Variants in SUPT7L observed in about 807,000 individuals in gnomAD.
SUPT7L encodes SPT7 like, STAGA complex subunit gamma, also known as STAGA complex 65 subunit gamma.
SUPT7L carries 15 observed loss-of-function variants against 35.7 expected under a neutral mutation model. That is an observed-to-expected ratio of 0.42 (90% confidence interval 0.28 to 0.65). The LOEUF (loss-of-function observed/expected upper bound fraction) is 0.65. Ranked by LOEUF, SUPT7L falls within the 30% of genes least tolerant of loss-of-function variation. The pLI is 0.23. For synonymous variants in SUPT7L, 168 were observed against 186.2 expected, an observed-to-expected ratio of 0.90 and a Z score of 0.79; for missense variants, 434 against 522.2, an observed-to-expected ratio of 0.83 and a Z score of 1.65.
intron 3 of SUPT7L, among the ~76,000 whole-genome samples, chr2:27,658,871 C>T (rs1674919133): frequency 6.6e-6 from 1 of 152,320 alleles, no homozygotes; most frequent in Non-Finnish European, 1.5e-5. Context: ...AATATCTGGA[C>T]CTCTTTCAAA....
chr2:27,656,080 A>G (rs7599145), intron 4 of SUPT7L, among the ~76,000 whole-genome samples: 8,664 of 151,572 alleles, frequency 0.057, 686 homozygotes, highest in African/African-American at 0.18. Flanking sequence ...AGCTACTTGG[A>G]AGGCTGAGGT....
At chr2:27,662,068 A>T in intron 2 of SUPT7L, 111 bp downstream of exon 2, 1 of 1,456,988 alleles carries the variant, frequency 6.9e-7, no homozygotes, top group Non-Finnish European at 9.6e-7. Flanking sequence ...CACTGCTGCT[A>T]GACTTACTCT....
chr2:27,646,837 G>C (rs1674257343), downstream of SUPT7L, among the ~76,000 whole-genome samples: 1 of 152,102 alleles, frequency 6.6e-6, no homozygotes, highest in African/African-American at 2.4e-5. Context: ...GCTAGTAACG[G>C]ACTGGGTTTA....
chr2:27,662,749 G>T (rs1480055739), intron 1 of SUPT7L, among the ~76,000 whole-genome samples: 1 of 152,068 alleles, frequency 6.6e-6, no homozygotes, highest in Admixed American at 6.5e-5. Flanking sequence ...GGCATTTGTT[G>T]AATGTTTACT....
intron 3 of SUPT7L, among the ~76,000 whole-genome samples, chr2:27,658,712 T>C (rs988521430): frequency 1.5e-4 from 23 of 152,256 alleles, no homozygotes; most frequent in Admixed American, 8.5e-4. Flanking sequence ...GTTTACATAA[T>C]AGTTTGACAA....
At chr2:27,644,733 T>G in the SUPT7L span, among the ~76,000 whole-genome samples, 1 of 148,652 alleles carries the variant, frequency 6.7e-6, no homozygotes, top group Non-Finnish European at 1.5e-5. Flanking sequence ...GTTTTTTTTT[T>G]TTTTTTTTTT....
In SUPT7L at chr2:27,662,272, G is replaced by T; in HGVS notation, c.-80C>A. On this transcript the variant is annotated 5_prime_UTR_variant, in exon 2 of 6. Coordinates refer to ENST00000337768, the MANE Select transcript of SUPT7L (RefSeq NM_014860.3). ...TGTCGGTCAAAGACTGATAATGTGA[G>T]ATCCTTGCCCTGAAGTGAGGAAGAG... is the stretch of plus-strand genomic sequence containing the variant. The T allele has an allele frequency of 6.8e-7, 1 of 1,465,748 alleles. No individual in the cohort carries two copies. Among genetic ancestry groups the T allele is most frequent in the Non-Finnish European group, 9.6e-7 (1 of 1,045,264 alleles). 90.8% of individuals were successfully genotyped at this position (1,465,748 alleles called of 1,614,324 possible). A position where few individuals can be genotyped will look rare whatever the true frequency, so the allele number is the denominator to read the frequency against.
rs896006226 is a variant in SUPT7L, at chr2:27,651,311, G to T, written c.*2174C>A. On this transcript the variant is annotated 3_prime_UTR_variant, in exon 6 of 6. Coordinates refer to ENST00000337768, the MANE Select transcript of SUPT7L (RefSeq NM_014860.3). ...AACCTATGAACTCAGAAACCCTGGGGGTGGGCTGAGCAGTCTGTTTTAGAA... is the reference window on the plus strand; with the variant it reads ...AACCTATGAACTCAGAAACCCTGGGTGTGGGCTGAGCAGTCTGTTTTAGAA... 3.3e-5 allele frequency: 5 copies of T among 152,134 alleles called. No homozygotes were observed. Among genetic ancestry groups the T allele is most frequent in the African/African-American group, 1.2e-4 (5 of 41,402 alleles). 9.4% of individuals were successfully genotyped at this position (152,134 alleles called of 1,614,324 possible).
chr2:27,658,771 T>C (rs1315256986), intron 3 of SUPT7L, among the ~76,000 whole-genome samples: 1 of 151,884 alleles, frequency 6.6e-6, no homozygotes, highest in Non-Finnish European at 1.5e-5. Flanking sequence ...CTTCATCATT[T>C]CCATGGCCAG....
intron 4 of SUPT7L, among the ~76,000 whole-genome samples, chr2:27,656,450 G>A (rs1674808061): frequency 6.6e-6 from 1 of 152,036 alleles, no homozygotes; most frequent in South Asian, 2.1e-4. Context: ...ATTTTTTTGT[G>A]TATGTGCTTA....
At chr2:27,654,286 ATC>A (rs535387182) in intron 5 of SUPT7L, among the ~76,000 whole-genome samples, 33 of 152,302 alleles carry the variant, frequency 2.2e-4, no homozygotes, top group Non-Finnish European at 3.1e-4. Context: ...TGGCCCTCGC[ATC>A]TCTCTATGTA....
downstream of SUPT7L, among the ~76,000 whole-genome samples, chr2:27,648,137 T>C (rs747231625): frequency 4.6e-5 from 7 of 152,240 alleles, no homozygotes; most frequent in Non-Finnish European, 8.8e-5. Context: ...TACAGGCCTT[T>C]CGTTGGTCTT....
rs200791936 is a variant in SUPT7L at position 27,655,346 on chromosome 2, G to C, written c.982+19C>G. The C allele has an allele frequency of 2.0e-6, 3 of 1,517,544 alleles. No homozygotes were observed. Among genetic ancestry groups the C allele is most frequent in the Non-Finnish European group, 2.6e-6 (3 of 1,133,536 alleles). The allele number at this position is 1,517,544 out of a possible 1,614,324, so 94.0% of individuals were successfully genotyped here. The stretch of plus-strand genomic sequence containing the variant: ...GGCAGATCTCCCAGAATCAAAGTGA[G>C]TAAGTTTATTTGTCTTACTTGAAGC... On this transcript the variant is annotated intron_variant, in intron 5 of 5. Transcript: ENST00000337768.
the SUPT7L span, among the ~76,000 whole-genome samples, chr2:27,643,953 T>C: frequency 6.6e-6 from 1 of 151,826 alleles, no homozygotes; most frequent in Non-Finnish European, 1.5e-5. This position sits in a 1 kb window ranked among gnomAD's most constrained non-coding sequence, Gnocchi z 4.0. Flanking sequence ...CCGAGGCGGG[T>C]GGATCACTTG....
At chr2:27,643,955 G>T in the SUPT7L span, among the ~76,000 whole-genome samples, 54 of 152,320 alleles carry the variant, frequency 3.5e-4, no homozygotes, top group South Asian at 0.011. The surrounding 1 kb of genome is among the most constrained non-coding windows in gnomAD (Gnocchi z 4.0). Context: ...GAGGCGGGTG[G>T]ATCACTTGAG....
At chr2:27,643,921 G>T in the SUPT7L span, among the ~76,000 whole-genome samples, 3 of 152,234 alleles carry the variant, frequency 2.0e-5, no homozygotes, top group Non-Finnish European at 4.4e-5. The surrounding 1 kb of genome is among the most constrained non-coding windows in gnomAD (Gnocchi z 4.0). Context: ...GCTCACGCCT[G>T]TAATCCCAGC....
the SUPT7L span, among the ~76,000 whole-genome samples, chr2:27,644,250 G>A: frequency 6.6e-6 from 1 of 151,944 alleles, no homozygotes; most frequent in African/African-American, 2.4e-5. Context: ...AATTTTGTGG[G>A]GTGATGCTTT....
At position 27,652,532 on chromosome 2, in the gene SUPT7L, T is replaced by G. The variant is rs768528240; in HGVS notation, c.*953A>C. ...CTGATTCAGTACTTATATATACAGATAGTCTGATGGATGAGTAACCACAGT... is the reference window on the plus strand; with the variant it reads ...CTGATTCAGTACTTATATATACAGAGAGTCTGATGGATGAGTAACCACAGT... On this transcript the variant is annotated 3_prime_UTR_variant, in exon 6 of 6. Coordinates refer to ENST00000337768, the MANE Select transcript of SUPT7L (RefSeq NM_014860.3). The G allele has an allele frequency of 3.3e-5, 5 of 152,522 alleles. No individual in the cohort carries two copies. Among genetic ancestry groups the G allele is most frequent in the Non-Finnish European group, 5.9e-5 (4 of 68,042 alleles). 9.4% of individuals were successfully genotyped at this position (152,522 alleles called of 1,614,324 possible).
rs926048764 is a variant in SUPT7L, at chr2:27,653,313, G to A, written c.*172C>T. On this transcript the variant is annotated 3_prime_UTR_variant, in exon 6 of 6. Transcript: ENST00000337768. ...TTGTGGAAAACTATAAAAACTGGATGCAAAAGTAAAATGCAACCTTGTTTG... is the reference window on the plus strand; with the variant it reads ...TTGTGGAAAACTATAAAAACTGGATACAAAAGTAAAATGCAACCTTGTTTG... The A allele has an allele frequency of 7.6e-6, 7 of 919,046 alleles. No homozygotes were observed. The Admixed American group carries it at 2.0e-4, about 27-fold the overall frequency. 56.9% of individuals were successfully genotyped at this position (919,046 alleles called of 1,614,324 possible).
Sources: gnomAD v4.1 joint callset for allele counts (sites outside exome capture counted in the v4.1 genomes callset) on GRCh38, gnomAD v4.1.1 for gene constraint, Gnocchi (gnomAD v3.1) non-coding constraint, MANE v1.5 for transcripts, NCBI Gene and HGNC (gene_info 2026-07-23, HGNC 2026-07-21) for gene names.